ESRP1: variants seen among roughly 807,000 people sequenced by gnomAD.
ESRP1 encodes epithelial splicing regulatory protein 1.
A neutral mutation model predicts 81.7 loss-of-function variants in ESRP1; 33 were observed. The ratio of observed to expected loss-of-function variants is 0.40; its 90% CI spans 0.31 to 0.54. The LOEUF is 0.54. ESRP1 is among the 20% of genes least tolerant of loss of function. The probability of loss-of-function intolerance (pLI) is 0.41; values close to 1 mark genes in which losing one functional copy is unlikely to be tolerated. For synonymous variants in ESRP1, 320 were observed against 303.3 expected (o/e 1.06, Z -0.57); for missense variants, 672 against 833.1 (o/e 0.81, Z 2.38).
chr8:94,675,803 T>C (rs1819560009), intron 12 of ESRP1, among the ~76,000 whole-genome samples: 1 of 152,208 alleles, frequency 6.6e-6, no homozygotes, highest in Admixed American at 6.5e-5. Flanking sequence ...TTACCCATTT[T>C]TCCTCACAAG....
Position 94,665,092 on chromosome 8 carries a change from G to A in ESRP1, c.888+33G>A, listed in dbSNP as rs764640211. ...CTCAAAACCTGAACCCCTGGACATCGTGAATGAGAATTAACATAGGACGGA... is the reference window on the plus strand; with the variant it reads ...CTCAAAACCTGAACCCCTGGACATCATGAATGAGAATTAACATAGGACGGA... On this transcript the variant is annotated intron_variant, in intron 8 of 15. Coordinates refer to ENST00000433389, the MANE Select transcript of ESRP1 (RefSeq NM_017697.4). 8.7e-6 allele frequency: 14 copies of A among 1,613,568 alleles called. No homozygotes were observed. In the South Asian group the frequency reaches 8.8e-5, roughly 10 times the overall value.
chr8:94,694,440 C>A (rs910430500), intron 14 of ESRP1, among the ~76,000 whole-genome samples: 2 of 152,116 alleles, frequency 1.3e-5, no homozygotes, highest in African/African-American at 4.8e-5. Context: ...CCCGTCTGTA[C>A]TAAAAATACA....
chr8:94,705,901 C>T (rs1586277866), intron 15 of ESRP1, 24 bp from the exon 16 acceptor site: 1 of 1,295,492 alleles, frequency 7.7e-7, no homozygotes, highest in Non-Finnish European at 1.0e-6. Context: ...TCCTTTTATT[C>T]ACTTTTTTTT....
At chr8:94,652,815 G>A (rs1212367265) in intron 4 of ESRP1, among the ~76,000 whole-genome samples, 3 of 152,148 alleles carry the variant, frequency 2.0e-5, no homozygotes, top group African/African-American at 4.8e-5. Context: ...TGCCATGAAC[G>A]GCTCAGTGGG....
At chr8:94,687,412 T>G (rs1809186099) in intron 13 of ESRP1, among the ~76,000 whole-genome samples, 2 of 152,214 alleles carry the variant, frequency 1.3e-5, no homozygotes. Flanking sequence ...CATGTTTCTG[T>G]GTGGACATAG....
chr8:94,705,156 C>CA (rs1810015158), intron 15 of ESRP1, among the ~76,000 whole-genome samples: 1 of 90,560 alleles, frequency 1.1e-5, no homozygotes, highest in Non-Finnish European at 2.1e-5. Flanking sequence ...TGCCTTATTG[C>CA]TTTTTTTTTT....
Position 94,699,525 on chromosome 8 carries a change from G to A in ESRP1, c.*35+2564G>A, listed in dbSNP as rs1018460219. On this transcript the variant is annotated intron_variant, in intron 15 of 15. Transcript: ENST00000433389. The stretch of plus-strand genomic sequence containing the variant: ...CCTAGGTGTGGTGGCATTTACCTCC[G>A]GCTACTCCGGAGGCTGAGGTAGGAG... 4.0e-5 allele frequency among the ~76,000 whole-genome samples: 6 copies of A among 151,882 alleles called. No homozygotes were observed. In the South Asian group the frequency reaches 6.3e-4, roughly 16 times the overall value.
chr8:94,662,601 T>TC, intron 6 of ESRP1, 46 bp downstream of exon 6: 5 of 1,494,278 alleles, frequency 3.3e-6, no homozygotes, highest in Non-Finnish European at 4.5e-6. Flanking sequence ...ACTTGTTTTT[T>TC]TTTTTTGTCT....
rs1409027335 is a variant in ESRP1 at position 94,692,773 on chromosome 8, C to T, written c.1917C>T (p.Gly639=). 1.2e-6 allele frequency: 2 copies of T among 1,613,776 alleles called. No homozygotes were observed. Among genetic ancestry groups the T allele is most frequent in the Admixed American group, 1.7e-5 (1 of 59,972 alleles). ...CTGGCACGGTGGTCAGAATGCAGGG[C>T]CTGGCCTACAATACTGGAGTTAAGG... The part of the protein sequence containing the change: ...PQPGTVVRMQ[G]LAYNTGVKEI... The change falls in exon 14 of 16, where the codon GGC becomes GGT. Residue 639 remains glycine, a synonymous_variant. Coordinates refer to ENST00000433389, the MANE Select transcript of ESRP1 (RefSeq NM_017697.4).
At chr8:94,682,967 G>A (rs184808094) in intron 13 of ESRP1, among the ~76,000 whole-genome samples, 443 of 38,262 alleles carry the variant, frequency 0.012, 2 homozygotes, top group African/African-American at 0.05. Context: ...TTTTTGAGAC[G>A]GAGTTTCATT....
At chr8:94,669,996 G>A (rs989358853) in intron 10 of ESRP1, among the ~76,000 whole-genome samples, 2 of 151,850 alleles carry the variant, frequency 1.3e-5, no homozygotes, top group African/African-American at 4.8e-5. Context: ...GAAAAAACTC[G>A]ATGTGGTTGC....
At chr8:94,674,892 C>T (rs531406065) in intron 12 of ESRP1, among the ~76,000 whole-genome samples, 6 of 152,198 alleles carry the variant, frequency 3.9e-5, no homozygotes, top group African/African-American at 1.4e-4. Flanking sequence ...AACGTATTAA[C>T]CTTTAAGAAG....
chr8:94,668,025 G>A lies in ESRP1; in HGVS notation c.1008G>A (p.Thr336=), dbSNP rs912084904. Residue 336 remains threonine, a synonymous_variant, in exon 10 of 16, where the codon ACG becomes ACA. Transcript: ENST00000433389. ...TCCGCATGCGGGGGCTCCCTTTCAC[G>A]GCCACAGCTGAAGAAGTGGTGGCCT... ...VIVRMRGLPF[T]ATAEEVVAFF... 1.2e-5 allele frequency: 19 copies of A among 1,613,662 alleles called. No individual in the cohort carries two copies. Among genetic ancestry groups the A allele is most frequent in the African/African-American group, 5.3e-5 (4 of 74,902 alleles).
At position 94,706,101 on chromosome 8, in the gene ESRP1, G is replaced by T; in HGVS notation, c.*212G>T. 1.5e-6 allele frequency: 1 copy of T among 645,560 alleles called. No homozygotes were observed. The highest frequency in any genetic ancestry group is 2.6e-6 in the Non-Finnish European group (1 of 386,886). 40.0% of individuals were successfully genotyped at this position (645,560 alleles called of 1,614,324 possible). The stretch of plus-strand genomic sequence containing the variant: ...AAATTTGAGCTAGTGAAGCCAAATC[G>T]TAACTTACAGCAAGCAGCATGCAGC... On this transcript the variant is annotated 3_prime_UTR_variant, in exon 16 of 16. Transcript: ENST00000433389.
Position 94,689,811 on chromosome 8 carries a change from CTTTTTT to C in ESRP1, c.1821-2846_1821-2841del, listed in dbSNP as rs58359551. Among the ~76,000 whole-genome samples, 223 of 64,650 alleles carry C rather than the reference CTTTTTT, an allele frequency of 3.4e-3. 4 individuals are homozygous for C. Among genetic ancestry groups the C allele is most frequent in the East Asian group, 0.033 (105 of 3,148 alleles). 42.4% of individuals were successfully genotyped at this position (64,650 alleles called of 152,430 possible). On this transcript the variant is annotated intron_variant, in intron 13 of 15. Transcript: ENST00000433389. ...CACAGGCATGTGCTATGATGCCTGG[CTTTTTT>C]TTTTTTTTTTTTTTTTTTTGATGGA...
At chr8:94,671,861 T>C (rs1323361940) in intron 11 of ESRP1, among the ~76,000 whole-genome samples, 190 bp downstream of exon 11, 1 of 152,176 alleles carries the variant, frequency 6.6e-6, no homozygotes, top group East Asian at 1.9e-4. Context: ...TCACATCTAA[T>C]TAAAAAGTAC....
chr8:94,678,438 A>G (rs1394347571), intron 13 of ESRP1, 67 bp downstream of exon 13: 26 of 1,538,552 alleles, frequency 1.7e-5, no homozygotes, highest in Non-Finnish European at 1.8e-6. Flanking sequence ...CCAGTGCAAG[A>G]GCTCACAAAA....
intron 15 of ESRP1, among the ~76,000 whole-genome samples, chr8:94,702,302 T>G (rs1489699576): frequency 2.0e-5 from 3 of 152,160 alleles, no homozygotes; most frequent in Admixed American, 6.5e-5. Context: ...ATAGGTGTGT[T>G]TTCTAGGCCT....
intron 14 of ESRP1, among the ~76,000 whole-genome samples, chr8:94,696,585 C>T (rs1326005440): frequency 6.6e-6 from 1 of 152,140 alleles, no homozygotes; most frequent in Non-Finnish European, 1.5e-5. Flanking sequence ...AAATTGGCCT[C>T]CTAAGTTCTT....
Sources: allele counts gnomAD v4.1 joint callset (sites outside exome capture counted in the v4.1 genomes callset), GRCh38; gene constraint gnomAD v4.1.1; transcripts MANE v1.5; gene names NCBI Gene and HGNC (gene_info 2026-07-23, HGNC 2026-07-21).